FNBP1L: variants seen among roughly 807,000 people sequenced by gnomAD.
FNBP1L encodes formin-binding protein 1-like.
A neutral mutation model predicts 91.2 loss-of-function variants in FNBP1L; 36 were observed. The ratio of observed to expected loss-of-function variants is 0.39; its 90% CI spans 0.30 to 0.52. The LOEUF is 0.52. Among genes scored for constraint, FNBP1L ranks in the 20% least tolerant of loss-of-function variants. The probability of loss-of-function intolerance (pLI) is 0.66; values close to 1 mark genes in which losing one functional copy is unlikely to be tolerated. For missense variants in FNBP1L, 571 were observed against 732.1 expected, an observed-to-expected ratio of 0.78 and a Z score of 2.54; for synonymous variants, 242 against 237.0, an observed-to-expected ratio of 1.02 and a Z score of -0.19.
chr1:93,546,775 A>C, intron 12 of FNBP1L, 67 bp from the exon 13 acceptor site: 1 of 1,563,498 alleles, frequency 6.4e-7, no homozygotes, highest in Middle Eastern at 1.7e-4. Context: ...CCAGAGTCCA[A>C]TAAAACTCTT....
intron 2 of FNBP1L, among the ~76,000 whole-genome samples, chr1:93,510,559 C>T (rs1670796901): frequency 6.6e-6 from 1 of 152,188 alleles, no homozygotes; most frequent in Admixed American, 6.5e-5. Flanking sequence ...GCCTCTCCTC[C>T]TCCAAAGGAA....
chr1:93,459,286 T>A (rs1668780081), intron 1 of FNBP1L, among the ~76,000 whole-genome samples: 1 of 152,146 alleles, frequency 6.6e-6, no homozygotes, highest in Admixed American at 6.6e-5. Context: ...ACAGAATGTA[T>A]CCTCTGTGGT....
intron 10 of FNBP1L, among the ~76,000 whole-genome samples, chr1:93,540,705 T>C (rs1408083973): frequency 6.6e-6 from 1 of 152,114 alleles, no homozygotes; most frequent in East Asian, 1.9e-4. Context: ...TATTAGTAAT[T>C]TGAGAATAAA....
intron 2 of FNBP1L, among the ~76,000 whole-genome samples, chr1:93,511,902 C>T (rs1176387409): frequency 5.1e-5 from 7 of 137,486 alleles, no homozygotes; most frequent in Non-Finnish European, 1.1e-4. Context: ...GGAGGCGGAG[C>T]TTGCAGTGAG....
In FNBP1L at chr1:93,468,148, C is replaced by T. The variant is rs117008582; in HGVS notation, c.24+19843C>T. Among the ~76,000 whole-genome samples the T allele has an allele frequency of 1.1e-3, 160 of 152,288 alleles. No homozygotes were observed. In the East Asian group the frequency reaches 0.026, roughly 25 times the overall value. On this transcript the variant is annotated intron_variant, in intron 1 of 16. Transcript: ENST00000271234. ...CCAGCCCTAGGAAACCACTAATCTTCCTGTCTCAACAGATTTACCTATTCT... is the reference window on the plus strand; with the variant it reads ...CCAGCCCTAGGAAACCACTAATCTTTCTGTCTCAACAGATTTACCTATTCT...
chr1:93,465,553 A>G (rs1669046983), intron 1 of FNBP1L, among the ~76,000 whole-genome samples: 1 of 152,164 alleles, frequency 6.6e-6, no homozygotes, highest in African/African-American at 2.4e-5. Flanking sequence ...TGATGGCTGC[A>G]TAGTATTCCA....
chr1:93,483,027 AAAAAAAC>A (rs1557784807), intron 1 of FNBP1L, among the ~76,000 whole-genome samples: 2 of 150,522 alleles, frequency 1.3e-5, no homozygotes, highest in African/African-American at 2.4e-5. Flanking sequence ...AAAAAAAACA[AAAAAAAC>A]AAAAAACAAA....
intron 1 of FNBP1L, among the ~76,000 whole-genome samples, chr1:93,476,944 A>G (rs2101703673): frequency 6.6e-6 from 1 of 152,322 alleles, no homozygotes. Flanking sequence ...TCTCCATTTT[A>G]CTAATGATGA....
chr1:93,526,766 G>A (rs1671508726), intron 5 of FNBP1L, among the ~76,000 whole-genome samples: 1 of 152,140 alleles, frequency 6.6e-6, no homozygotes, highest in African/African-American at 2.4e-5. Flanking sequence ...TTATCTTTCA[G>A]GGAAGGAGCA....
chr1:93,478,382 A>AG (rs1184617878), intron 1 of FNBP1L, among the ~76,000 whole-genome samples: 2 of 152,204 alleles, frequency 1.3e-5, no homozygotes, highest in Non-Finnish European at 2.9e-5. Context: ...GAATGGGATA[A>AG]GGAGGATGAC....
In FNBP1L at chr1:93,547,341, C is replaced by T; in HGVS notation, c.1408-6C>T. 1 of 1,549,840 alleles carries T rather than the reference C, an allele frequency of 6.5e-7. No individual in the cohort carries two copies. The highest frequency in any genetic ancestry group is 8.7e-7 in the Non-Finnish European group (1 of 1,145,790). On this transcript the variant is annotated splice_polypyrimidine_tract_variant and splice_region_variant and intron_variant, in intron 13 of 16. Coordinates refer to ENST00000271234, the MANE Select transcript of FNBP1L (RefSeq NM_001164473.3). ...GCTCAGTTGTTTGCTTATTTTTTTT[C>T]CTAAGGCTTGGCTCTCTGAAGTCGA...
intron 2 of FNBP1L, among the ~76,000 whole-genome samples, chr1:93,502,790 A>G (rs1242496647): frequency 1.3e-5 from 2 of 152,234 alleles, no homozygotes; most frequent in African/African-American, 4.8e-5. Context: ...GCGATTCTCA[A>G]CAAGGGCAGA....
intron 1 of FNBP1L, among the ~76,000 whole-genome samples, chr1:93,472,949 C>CT (rs1305859668): frequency 6.8e-6 from 1 of 148,128 alleles, no homozygotes; most frequent in African/African-American, 2.5e-5. Context: ...TACTCTTTAG[C>CT]TTTTTTATAG....
chr1:93,483,978 G>C (rs1669808456), intron 1 of FNBP1L, among the ~76,000 whole-genome samples: 1 of 152,258 alleles, frequency 6.6e-6, no homozygotes, highest in South Asian at 2.1e-4. Flanking sequence ...GCCCAGGCCA[G>C]AGTGCAGTGA....
At position 93,552,503 on chromosome 1, in the gene FNBP1L, AAG is replaced by A; in HGVS notation, c.*92_*93del. Reference sequence around the variant, plus strand: ...GAGGGTATTAGAGTTGTCAGGCTCAAAGAGAGTGAGAGAAGCAAGTTGCATGA... The same window carrying A: ...GAGGGTATTAGAGTTGTCAGGCTCAAAGAGTGAGAGAAGCAAGTTGCATGA... On this transcript the variant is annotated 3_prime_UTR_variant, in exon 17 of 17. Coordinates refer to ENST00000271234, the MANE Select transcript of FNBP1L (RefSeq NM_001164473.3). 6 of 1,489,592 alleles carry A rather than the reference AAG, an allele frequency of 4.0e-6. No individual in the cohort carries two copies. The highest frequency in any genetic ancestry group is 5.5e-6 in the Non-Finnish European group (6 of 1,097,036). The allele number at this position is 1,489,592 out of a possible 1,614,324, so 92.3% of individuals were successfully genotyped here. A position where few individuals can be genotyped will look rare whatever the true frequency, so the allele number is the denominator to read the frequency against.
intron 2 of FNBP1L, among the ~76,000 whole-genome samples, chr1:93,513,230 A>G (rs1353498642): frequency 2.0e-5 from 3 of 151,720 alleles, no homozygotes; most frequent in East Asian, 1.9e-4. Context: ...AAGAAGTTGA[A>G]TCTCTGAATA....
At chr1:93,544,244 A>T (rs779424606) in intron 12 of FNBP1L, 28 bp downstream of exon 12, 6 of 1,527,990 alleles carry the variant, frequency 3.9e-6, no homozygotes, top group Non-Finnish European at 5.4e-6. Flanking sequence ...TTTCTCTATC[A>T]TTATTATTTT....
chr1:93,508,924 G>A (rs1670721826), intron 2 of FNBP1L, among the ~76,000 whole-genome samples: 1 of 152,104 alleles, frequency 6.6e-6, no homozygotes. Flanking sequence ...TTTCCCAGTA[G>A]GCTCTTTTTC....
chr1:93,494,113 T>C (rs1474456407), intron 1 of FNBP1L, among the ~76,000 whole-genome samples: 3 of 152,200 alleles, frequency 2.0e-5, no homozygotes, highest in Admixed American at 2.0e-4. Flanking sequence ...CTGACTTGGC[T>C]ACAAATCAGG....
Sources: gnomAD v4.1 joint callset for allele counts (sites outside exome capture counted in the v4.1 genomes callset) on GRCh38, gnomAD v4.1.1 for gene constraint, MANE v1.5 for transcripts, NCBI Gene and HGNC (gene_info 2026-07-23, HGNC 2026-07-21) for gene names.